ZNF578: variants seen among roughly 807,000 people sequenced by gnomAD.
ZNF578 encodes the protein zinc finger protein 578, also known as Putative chemokine-related protein B42.
ZNF578 carries 8 observed loss-of-function variants against 8.3 expected under a neutral mutation model. The ratio of observed to expected loss-of-function variants is 0.96; its 90% CI spans 0.56 to 1.74. ZNF578 has a LOEUF of 1.74. ZNF578 is among the 40% of genes most tolerant of loss of function. ZNF578 has a pLI of 0.00. For synonymous variants in ZNF578, 206 were observed against 232.2 expected, an observed-to-expected ratio of 0.89 and a Z score of 1.03; for missense variants, 726 against 707.5, an observed-to-expected ratio of 1.03 and a Z score of -0.30.
At chr19:52,470,859 C>T (rs1425899629) in intron 2 of ZNF578, among the ~76,000 whole-genome samples, 1 of 152,144 alleles carries the variant, frequency 6.6e-6, no homozygotes, top group Non-Finnish European at 1.5e-5. Context: ...TGTCCCTATC[C>T]AAAACTCATG....
rs1555751349 is a variant in ZNF578, at chr19:52,459,769, A to ATATATATATT, written c.-122+2812_-122+2813insATATATATTT. Among the ~76,000 whole-genome samples the ATATATATATT allele has an allele frequency of 1.9e-3, 34 of 17,620 alleles. 4 individuals are homozygous for ATATATATATT. The highest frequency in any genetic ancestry group is 7.2e-3 in the Admixed American group (4 of 552). The allele number at this position is 17,620 out of a possible 152,430, so 11.6% of individuals were successfully genotyped here. A position where few individuals can be genotyped will look rare whatever the true frequency, so the allele number is the denominator to read the frequency against. On this transcript the variant is annotated intron_variant, in intron 2 of 5. Coordinates refer to ENST00000421239, the MANE Select transcript of ZNF578 (RefSeq NM_001099694.2). ...TGTGTGTGTATATATATATATATAT[A>ATATATATATT]TTTTTTTTTTTTTTTTTTTTTTTTG...
At chr19:52,488,899 T>G (rs1241119740) in intron 2 of ZNF578, among the ~76,000 whole-genome samples, 2 of 152,026 alleles carry the variant, frequency 1.3e-5, no homozygotes, top group Non-Finnish European at 1.5e-5. Context: ...GGAGACTACC[T>G]GCCTGGCCTA....
chr19:52,507,061 G>T (rs760669772), intron 5 of ZNF578, among the ~76,000 whole-genome samples: 1 of 151,924 alleles, frequency 6.6e-6, no homozygotes, highest in Non-Finnish European at 1.5e-5. Flanking sequence ...GAGACCAGTC[G>T]GGCAAACATA....
chr19:52,499,460 C>A (rs2059398741), intron 3 of ZNF578, among the ~76,000 whole-genome samples: 1 of 152,162 alleles, frequency 6.6e-6, no homozygotes, highest in Non-Finnish European at 1.5e-5. Context: ...GGCATCCCCA[C>A]CTTCAGCTGT....
At chr19:52,482,956 AAAAAAT>A (rs1371786130) in intron 2 of ZNF578, among the ~76,000 whole-genome samples, 2 of 151,808 alleles carry the variant, frequency 1.3e-5, no homozygotes, top group South Asian at 2.1e-4. Context: ...AAAAAAAAAA[AAAAAAT>A]AGCCAAGGAT....
chr19:52,462,558 A>T (rs1395474477), intron 2 of ZNF578, among the ~76,000 whole-genome samples: 1 of 152,198 alleles, frequency 6.6e-6, no homozygotes, highest in African/African-American at 2.4e-5. Context: ...CGTCATAGCA[A>T]TTACCGCAAT....
At chr19:52,505,669 T>C (rs2059423211) in intron 5 of ZNF578, among the ~76,000 whole-genome samples, 1 of 151,050 alleles carries the variant, frequency 6.6e-6, no homozygotes, top group Admixed American at 6.6e-5. Flanking sequence ...TGTGATCCAC[T>C]CTCCTCGACC....
intron 5 of ZNF578, 25 bp downstream of exon 5, chr19:52,504,806 T>C: frequency 6.2e-7 from 1 of 1,613,652 alleles, no homozygotes; most frequent in South Asian, 1.1e-5. Flanking sequence ...CCTGCAGACA[T>C]GAGGAGTCTG....
At position 52,511,788 on chromosome 19, in the gene ZNF578, C is replaced by G. The variant is rs1407942030; in HGVS notation, c.1407C>G (p.Asn469Lys). Residue 469 changes from asparagine (N) to lysine (K), a missense_variant, in exon 6 of 6, where the codon AAC becomes AAG. By Grantham distance (94) the Asn-to-Lys change is moderately conservative (BLOSUM62 0). Coordinates refer to ENST00000421239, the MANE Select transcript of ZNF578 (RefSeq NM_001099694.2). ...ECDRVFSQKS[N>K]LERHKIIHTG... Reference sequence around the variant, plus strand: ...ACAGAGTTTTCAGTCAGAAATCAAACCTTGAGAGACACAAGATAATTCATA... The same window carrying G: ...ACAGAGTTTTCAGTCAGAAATCAAAGCTTGAGAGACACAAGATAATTCATA... 4.3e-6 allele frequency: 7 copies of G among 1,613,270 alleles called. No homozygotes were observed. The highest frequency in any genetic ancestry group is 5.9e-6 in the Non-Finnish European group (7 of 1,179,728).
At chr19:52,491,616 G>A (rs2059365121) in intron 3 of ZNF578, among the ~76,000 whole-genome samples, 191 bp downstream of exon 3, 1 of 151,928 alleles carries the variant, frequency 6.6e-6, no homozygotes, top group Non-Finnish European at 1.5e-5. Context: ...TCCAAAGGCT[G>A]AGGCAGAAGA....
Position 52,511,684 on chromosome 19 carries a change from G to A in ZNF578, c.1303G>A (p.Ala435Thr), listed in dbSNP as rs1250426558. ...KPYKCNDCGKAFIHQSSLARH... is the reference protein window; with the variant it reads ...KPYKCNDCGKTFIHQSSLARH... ...TTACAAGTGTAATGACTGTGGTAAG[G>A]CTTTTATTCATCAGTCAAGCCTTGC... The change falls in exon 6 of 6, where the codon GCT becomes ACT. Residue 435 changes from alanine (A) to threonine (T), a missense_variant. Physicochemically the swap from Ala to Thr is moderately conservative, Grantham distance 58. Transcript: ENST00000421239. 2 of 1,613,400 alleles carry A rather than the reference G, an allele frequency of 1.2e-6. No homozygotes were observed. Among genetic ancestry groups the A allele is most frequent in the African/African-American group, 2.7e-5 (2 of 74,680 alleles).
At position 52,512,057 on chromosome 19, in the gene ZNF578, G is replaced by C. The variant is rs1391875147; in HGVS notation, c.1676G>C (p.Arg559Thr). The change falls in exon 6 of 6, where the codon AGA becomes ACA. Residue 559 changes from arginine to threonine, a missense_variant. Physicochemically the swap from Arg to Thr is moderately conservative, Grantham distance 71 (BLOSUM62 -1). Transcript: ENST00000421239. ...CATTCTTATCTGGCAAACCATACTA[G>C]AATTCATAGCGGAGAGAAACCTTAC... ...MCHSYLANHTRIHSGEKPYKC... is the reference protein window; with the variant it reads ...MCHSYLANHTTIHSGEKPYKC... 8 of 1,613,588 alleles carry C rather than the reference G, an allele frequency of 5.0e-6. No homozygotes were observed. In the East Asian group the frequency reaches 1.8e-4, roughly 36 times the overall value.
At chr19:52,489,005 G>T (rs2059355694) in intron 2 of ZNF578, among the ~76,000 whole-genome samples, 1 of 151,468 alleles carries the variant, frequency 6.6e-6, no homozygotes, top group Non-Finnish European at 1.5e-5. Context: ...TGAGGCAGGA[G>T]AATTACTTGG....
At chr19:52,504,472 C>T (rs1419079972) in intron 4 of ZNF578, among the ~76,000 whole-genome samples, 183 bp from the exon 5 acceptor site, 2 of 152,050 alleles carry the variant, frequency 1.3e-5, no homozygotes, top group Non-Finnish European at 2.9e-5. Flanking sequence ...ATCTTAAAAT[C>T]TTTCAAGGAA....
chr19:52,454,242 T>A (rs2059232245), intron 1 of ZNF578: 1 of 152,230 alleles, frequency 6.6e-6, no homozygotes, highest in African/African-American at 2.4e-5. Context: ...CTCAACACGG[T>A]AGTAAACACT....
Position 52,478,113 on chromosome 19 carries a change from A to G in ZNF578, c.-121-13211A>G, listed in dbSNP as rs190705976. Among the ~76,000 whole-genome samples the G allele has an allele frequency of 3.8e-4, 58 of 152,344 alleles. No homozygotes were observed. In the East Asian group the frequency reaches 0.01, roughly 27 times the overall value. ...CACGGTTCTGTCTAGCTTGGTCTGC[A>G]CACATTTCTTGCCAATTTAAATTCC... On this transcript the variant is annotated intron_variant, in intron 2 of 5. Coordinates refer to ENST00000421239, the MANE Select transcript of ZNF578 (RefSeq NM_001099694.2).
intron 2 of ZNF578, chr19:52,475,370 G>A (rs909453369): frequency 6.5e-4 from 49 of 75,300 alleles, no homozygotes; most frequent in South Asian, 1.9e-3. Context: ...TTTTTTTTTT[G>A]AGACAGAGTC....
intron 2 of ZNF578, among the ~76,000 whole-genome samples, chr19:52,484,468 G>C (rs944918699): frequency 1.4e-4 from 21 of 152,118 alleles, no homozygotes; most frequent in Admixed American, 1.4e-3. Context: ...ATATCACATG[G>C]GGGAGAAACT....
At chr19:52,483,123 G>A (rs2059332822) in intron 2 of ZNF578, among the ~76,000 whole-genome samples, 2 of 151,888 alleles carry the variant, frequency 1.3e-5, no homozygotes, top group Admixed American at 1.3e-4. Context: ...CTTTATATGA[G>A]CAGTAGTCCT....
Sources: allele counts gnomAD v4.1 joint callset (sites outside exome capture counted in the v4.1 genomes callset), GRCh38; gene constraint gnomAD v4.1.1; transcripts MANE v1.5; gene names NCBI Gene and HGNC (gene_info 2026-07-23, HGNC 2026-07-21).